Variants in RIN1 observed in about 807,000 individuals in gnomAD.
RIN1 encodes the protein Ras and Rab interactor 1.
A neutral mutation model predicts 64.9 loss-of-function variants in RIN1; 52 were observed. The ratio of observed to expected loss-of-function variants is 0.80; its 90% CI spans 0.64 to 1.01. The LOEUF (loss-of-function observed/expected upper bound fraction) is 1.01. RIN1 is among the 50% of genes least tolerant of loss of function. RIN1 has a pLI of 0.00. For missense variants in RIN1, 1,040 were observed against 1,064.5 expected (o/e 0.98, Z 0.32); for synonymous variants, 486 against 483.6 (o/e 1.00, Z -0.06).
upstream of RIN1, chr11:66,336,492 C>T (rs1004813103): frequency 2.0e-5 from 22 of 1,117,924 alleles, no homozygotes; most frequent in Admixed American, 1.1e-4. Context: ...GAGGGCGGTC[C>T]GCCTGTCACA....
chr11:66,332,185 CA>C lies in RIN1; in HGVS notation c.*90del. The C allele has an allele frequency of 1.7e-6, 2 of 1,195,312 alleles. No individual in the cohort carries two copies. Among genetic ancestry groups the C allele is most frequent in the Non-Finnish European group, 2.5e-6 (2 of 814,496 alleles). The allele number at this position is 1,195,312 out of a possible 1,614,324, so 74.0% of individuals were successfully genotyped here. A position where few individuals can be genotyped will look rare whatever the true frequency, so the allele number is the denominator to read the frequency against. On this transcript the variant is annotated 3_prime_UTR_variant, in exon 10 of 10. Transcript: ENST00000311320. ...GACAAAGGTGGTGGCAGACACAGGACAGGGCCCTGGGTGGGGCTTGCTGGCG... is the reference window on the plus strand; with the variant it reads ...GACAAAGGTGGTGGCAGACACAGGACGGGCCCTGGGTGGGGCTTGCTGGCG...
rs780337804 is a variant in RIN1 at position 66,335,030 on chromosome 11, G to C, written c.769C>G (p.Leu257Val). The C allele has an allele frequency of 2.6e-6, 4 of 1,534,424 alleles. No individual in the cohort carries two copies. Among genetic ancestry groups the C allele is most frequent in the Non-Finnish European group, 3.5e-6 (4 of 1,142,770 alleles). ...VRVSTETSSPLSPPAVPPPPV... is the reference protein window; with the variant it reads ...VRVSTETSSPVSPPAVPPPPV... ...GGAGGTGGCACGGCAGGTGGAGACAGGGGGCTGGAGGTCTCTGTGGACACG... is the reference window on the plus strand; with the variant it reads ...GGAGGTGGCACGGCAGGTGGAGACACGGGGCTGGAGGTCTCTGTGGACACG... The change falls in exon 6 of 10, where the codon CTG becomes GTG. Residue 257 changes from leucine to valine, a missense_variant. By Grantham distance (32) the Leu-to-Val change is conservative. Transcript: ENST00000311320.
chr11:66,336,586 T>G, upstream of RIN1: 1 of 595,406 alleles, frequency 1.7e-6, no homozygotes, highest in South Asian at 2.1e-5. Context: ...GGGTCAGGGG[T>G]CCCCTCCATG....
At position 66,336,148 on chromosome 11, in the gene RIN1, C is replaced by G; in HGVS notation, c.97G>C (p.Asp33His). ...GHLAREKPAQ[D>H]PLYDVPNASG... is the part of the protein sequence containing the mutation. ...GCATTGGGCACGTCATACAGTGGGT[C>G]CTGGGCTGGCCTGGGGGCAGGCACC... Residue 33 changes from aspartate to histidine, a missense_variant, in exon 2 of 10, where the codon GAC becomes CAC. Transcript: ENST00000311320. 1 of 1,450,998 alleles carries G rather than the reference C, an allele frequency of 6.9e-7. No homozygotes were observed. Among genetic ancestry groups the G allele is most frequent in the Non-Finnish European group, 9.1e-7 (1 of 1,102,756 alleles). 89.9% of individuals were successfully genotyped at this position (1,450,998 alleles called of 1,614,324 possible).
rs1854847953 is a variant in RIN1, at chr11:66,335,088, C to G, written c.711G>C (p.Lys237Asn). The G allele has an allele frequency of 6.5e-7, 1 of 1,527,098 alleles. No homozygotes were observed. The highest frequency in any genetic ancestry group is 8.8e-7 in the Non-Finnish European group (1 of 1,139,422). 94.6% of individuals were successfully genotyped at this position (1,527,098 alleles called of 1,614,324 possible). A position where few individuals can be genotyped will look rare whatever the true frequency, so the allele number is the denominator to read the frequency against. ...TGAAGCTTCTCTTGAATTTCTCCCGCTTGGTGGGCCCTAGGTCCCCCGGGA... is the reference window on the plus strand; with the variant it reads ...TGAAGCTTCTCTTGAATTTCTCCCGGTTGGTGGGCCCTAGGTCCCCCGGGA... ...PLFPGDLGPTKREKFKRSFKV... is the reference protein window; with the variant it reads ...PLFPGDLGPTNREKFKRSFKV... Residue 237 changes from lysine to asparagine, a missense_variant, in exon 6 of 10, where the codon AAG becomes AAC. By Grantham distance (94) the Lys-to-Asn change is moderately conservative. Coordinates refer to ENST00000311320, the MANE Select transcript of RIN1 (RefSeq NM_004292.3).
upstream of RIN1, chr11:66,336,616 CCCAGCTGGGGGATGCCACCT>C: frequency 1.9e-6 from 1 of 526,928 alleles, no homozygotes; most frequent in Non-Finnish European, 3.4e-6. Flanking sequence ...CTCTGAGGGC[CCCAGCTGGGGGATGCCACCT>C]CCACACACGG....
Position 66,335,817 on chromosome 11 carries a change from A to C in RIN1, c.327T>G (p.Pro109=). 1 of 1,608,864 alleles carries C rather than the reference A, an allele frequency of 6.2e-7. No individual in the cohort carries two copies. The highest frequency in any genetic ancestry group is 2.2e-5 in the East Asian group (1 of 44,802). The change falls in exon 3 of 10, where the codon CCT becomes CCG. Residue 109 remains proline (P), a synonymous_variant. Transcript: ENST00000311320. ...AGACGAAGGAGGGGCCACTGGCTTC[A>C]GGCAACCGCATGCACAGGGCCTGGC... ...RQCQALCMRL[P]EASGPSFVSS... is the part of the protein sequence containing the mutation.
In RIN1 at chr11:66,334,608, C is replaced by G. The variant is rs2134942592; in HGVS notation, c.1191G>C (p.Gln397His). 6.3e-7 allele frequency: 1 copy of G among 1,581,220 alleles called. No homozygotes were observed. Among genetic ancestry groups the G allele is most frequent in the East Asian group, 2.3e-5 (1 of 43,504 alleles). ...GCGCCTGACGGATGCCCTGCAGCTC[C>G]TGGGGCTCGGGCCCAGCCCGCACCT... Reference protein sequence around the residue: ...LTQVRAGPEPQELQGIRQALS... With the variant: ...LTQVRAGPEPHELQGIRQALS... Residue 397 changes from glutamine (Q) to histidine (H), a missense_variant, in exon 6 of 10, where the codon CAG becomes CAC. By Grantham distance (24) the Gln-to-His change is conservative. Transcript: ENST00000311320.
At position 66,336,424 on chromosome 11, in the gene RIN1, A is replaced by T. The variant is rs767436660; in HGVS notation, c.-22T>A. On this transcript the variant is annotated 5_prime_UTR_variant, in exon 1 of 10. Coordinates refer to ENST00000311320, the MANE Select transcript of RIN1 (RefSeq NM_004292.3). ...CCATGGCTGGGAGCTCCTTCGCTTC[A>T]GGAAGAGAATCCAGTCCCAAGGCAA... 8.3e-5 allele frequency: 133 copies of T among 1,604,882 alleles called. 1 individual carries two copies. The East Asian group carries it at 2.8e-3, about 34-fold the overall frequency.
At position 66,335,441 on chromosome 11, in the gene RIN1, G is replaced by C; in HGVS notation, c.513C>G (p.His171Gln). 1.2e-6 allele frequency: 2 copies of C among 1,613,532 alleles called. No individual in the cohort carries two copies. The highest frequency in any genetic ancestry group is 1.1e-5 in the South Asian group (1 of 91,038). ...GATGGGAGATGGCCTCCAGCTCTTT[G>C]TGAGTGGCTGCGTGGTGGATGGCTC... ...LPRAIHHAAT[H>Q]KELEAISHLG... The change falls in exon 5 of 10, where the codon CAC becomes CAG. Residue 171 changes from histidine (H) to glutamine (Q), a missense_variant. His to Gln is a conservative substitution (Grantham distance 24). Coordinates refer to ENST00000311320, the MANE Select transcript of RIN1 (RefSeq NM_004292.3).
In RIN1 at chr11:66,336,023, G is replaced by T; in HGVS notation, c.222C>A (p.Ala74=). The T allele has an allele frequency of 1.4e-6, 2 of 1,468,206 alleles. No individual in the cohort carries two copies. Among genetic ancestry groups the T allele is most frequent in the Non-Finnish European group, 1.8e-6 (2 of 1,108,502 alleles). 90.9% of individuals were successfully genotyped at this position (1,468,206 alleles called of 1,614,324 possible). The part of the protein sequence containing the change: ...LTRPVWLQLQ[A]NAAAALHMLR... The stretch of plus-strand genomic sequence containing the variant: ...GCATGTGCAGTGCGGCCGCTGCGTT[G>T]GCTTGCAGCTGCAGCCACACGGGCC... The change falls in exon 2 of 10, where the codon GCC becomes GCA. Residue 74 remains alanine (A), a synonymous_variant. Transcript: ENST00000311320.
In RIN1 at chr11:66,335,130, G is replaced by A; in HGVS notation, c.669C>T (p.Cys223=). 1 of 1,541,132 alleles carries A rather than the reference G, an allele frequency of 6.5e-7. No individual in the cohort carries two copies. ...CCCCCGGGAACAGGGGGTTGAAGAA[G>A]CACAAGGCGGCTCCGGTGCCCTGGT... is the stretch of plus-strand genomic sequence containing the variant. The part of the protein sequence containing the change: ...ELDQGTGAAL[C]FFNPLFPGDL... Residue 223 remains cysteine, a synonymous_variant, in exon 6 of 10, where the codon TGC becomes TGT. Coordinates refer to ENST00000311320, the MANE Select transcript of RIN1 (RefSeq NM_004292.3).
chr11:66,332,968 C>T, intron 9 of RIN1: 1 of 606,640 alleles, frequency 1.6e-6, no homozygotes, highest in Admixed American at 3.0e-5. Flanking sequence ...CGCTCACAAG[C>T]CTGAGATGAA....
At chr11:66,333,150 G>T in intron 9 of RIN1, 108 bp downstream of exon 9, 2 of 1,383,578 alleles carry the variant, frequency 1.4e-6, no homozygotes, top group South Asian at 1.2e-5. Context: ...GCAGAGCCAG[G>T]ATTAGAACCC....
intron 9 of RIN1, 120 bp from the exon 10 acceptor site, chr11:66,332,872 T>A: frequency 1.2e-6 from 1 of 801,182 alleles, no homozygotes; most frequent in Non-Finnish European, 2.0e-6. Flanking sequence ...GGAGATCCAG[T>A]GGGAGAACCA....
In RIN1 at chr11:66,335,696, G is replaced by A. The variant is rs1458494451; in HGVS notation, c.383-14C>T. ...CCAAGGAGACGCCTGAGAGAGGAGG[G>A]AAGTGAGGTGCTTCTCTGGGGAACC... On this transcript the variant is annotated splice_polypyrimidine_tract_variant and intron_variant, in intron 3 of 9. Coordinates refer to ENST00000311320, the MANE Select transcript of RIN1 (RefSeq NM_004292.3). The A allele has an allele frequency of 6.2e-7, 1 of 1,612,902 alleles. No homozygotes were observed. Among genetic ancestry groups the A allele is most frequent in the Admixed American group, 1.7e-5 (1 of 59,830 alleles).
rs758702281 is a variant in RIN1 at position 66,336,116 on chromosome 11, G to A, written c.129C>T (p.Gly43=). The A allele has an allele frequency of 2.0e-5, 29 of 1,441,136 alleles. No individual in the cohort carries two copies. In the East Asian group the frequency reaches 4.1e-4, roughly 20 times the overall value. 89.3% of individuals were successfully genotyped at this position (1,441,136 alleles called of 1,614,324 possible). A position where few individuals can be genotyped will look rare whatever the true frequency, so the allele number is the denominator to read the frequency against. ...DPLYDVPNAS[G]GQAGGPQRPG... is the part of the protein sequence containing the mutation. ...GCCGCTGCGGCCCGCCTGCCTGCCC[G>A]CCGCTGGCATTGGGCACGTCATACA... Residue 43 remains glycine, a synonymous_variant, in exon 2 of 10, where the codon GGC becomes GGT. Coordinates refer to ENST00000311320, the MANE Select transcript of RIN1 (RefSeq NM_004292.3).
chr11:66,333,117 G>A (rs961799653), intron 9 of RIN1, 141 bp downstream of exon 9: 17 of 1,018,332 alleles, frequency 1.7e-5, no homozygotes, highest in Admixed American at 1.3e-4. Context: ...TAAGTAACTC[G>A]CCCAAGTCCC....
intron 2 of RIN1, 45 bp downstream of exon 2, chr11:66,335,933 C>A: frequency 6.7e-7 from 1 of 1,494,830 alleles, no homozygotes; most frequent in Non-Finnish European, 8.9e-7. Context: ...CCCTCTCCCT[C>A]CCACCCCTGG....
Sources: gnomAD v4.1 joint callset for allele counts on GRCh38, gnomAD v4.1.1 for gene constraint, MANE v1.5 for transcripts, NCBI Gene and HGNC (gene_info 2026-07-23, HGNC 2026-07-21) for gene names.